RNF212: variants seen among roughly 807,000 people sequenced by gnomAD.
RNF212 encodes probable E3 SUMO-protein ligase RNF212.
In RNF212, 33 loss-of-function variants were observed where a neutral mutation model predicts 34.7. The ratio of observed to expected loss-of-function variants is 0.95; its 90% CI spans 0.72 to 1.27. The LOEUF is 1.27. RNF212 is among the 50% of genes most tolerant of loss of function. The pLI is 0.00. For missense variants in RNF212, 377 were observed against 362.2 expected (o/e 1.04, Z -0.33); for synonymous variants, 140 against 136.1 (o/e 1.03, Z -0.20).
chr4:1,059,540 TG>T (rs33995364), intron 3 of RNF212, among the ~76,000 whole-genome samples: 121,103 of 152,100 alleles, frequency 0.8, 48,698 homozygotes, highest in African/African-American at 0.89. Context: ...ACCCCAAGCC[TG>T]GGCGGCCTGT....
intron 3 of RNF212, chr4:1,093,733 A>T: frequency 2.0e-6 from 3 of 1,536,242 alleles, no homozygotes. Flanking sequence ...TTATGAACTC[A>T]AGCAACTTCT....
chr4:1,057,763 C>T (rs1717431134), intron 4 of RNF212, among the ~76,000 whole-genome samples: 1 of 152,222 alleles, frequency 6.6e-6, no homozygotes, highest in African/African-American at 2.4e-5. Flanking sequence ...TATATCTTAG[C>T]TTCAAAAAAG....
intron 8 of RNF212, among the ~76,000 whole-genome samples, chr4:1,077,468 A>C (rs960370820): frequency 6.6e-6 from 1 of 152,106 alleles, no homozygotes; most frequent in Non-Finnish European, 1.5e-5. Context: ...CCTGGGCTCA[A>C]GTGATCCACC....
chr4:1,077,616 T>C (rs906004973), intron 8 of RNF212, among the ~76,000 whole-genome samples: 32 of 152,336 alleles, frequency 2.1e-4, no homozygotes, highest in African/African-American at 6.7e-4. Context: ...CAGAACAAAG[T>C]TCTTCCTCCT....
At chr4:1,070,494 G>T (rs1718396168), downstream of RNF212, among the ~76,000 whole-genome samples, 3 of 88,370 alleles carry the variant, frequency 3.4e-5, no homozygotes, top group South Asian at 1.3e-3. Flanking sequence ...TGGGTGCCTG[G>T]CCTGAGTTGT....
chr4:1,079,383 C>T (rs1453173602), intron 8 of RNF212, among the ~76,000 whole-genome samples: 8 of 152,260 alleles, frequency 5.3e-5, no homozygotes, highest in South Asian at 4.1e-4. Flanking sequence ...TGGGACCCTG[C>T]CAACACCTCG....
At chr4:1,066,106 G>A (rs1422902980) in intron 3 of RNF212, among the ~76,000 whole-genome samples, 3 of 146,986 alleles carry the variant, frequency 2.0e-5, no homozygotes, top group African/African-American at 7.5e-5. Flanking sequence ...TTTTTTCTCT[G>A]TAGATGAGGT....
At chr4:1,106,127 G>A (rs1019794724) in intron 2 of RNF212, among the ~76,000 whole-genome samples, 1 of 152,178 alleles carries the variant, frequency 6.6e-6, no homozygotes, top group Non-Finnish European at 1.5e-5. Flanking sequence ...ATAGGGGGGT[G>A]AAGCAACAGG....
At chr4:1,073,787 G>A in intron 8 of RNF212, 125 bp from the exon 9 acceptor site, 1 of 693,764 alleles carries the variant, frequency 1.4e-6, no homozygotes, top group Middle Eastern at 2.4e-4. Flanking sequence ...ATCGCCCTCT[G>A]ACAAGTTCCT....
intron 8 of RNF212, among the ~76,000 whole-genome samples, chr4:1,078,245 AAC>A (rs1719660743): frequency 6.6e-6 from 1 of 152,198 alleles, no homozygotes. Context: ...CCGCCGCCAG[AAC>A]ACACTCAGTT....
intron 2 of RNF212, chr4:1,099,765 G>A (rs1338693315): frequency 1.1e-5 from 5 of 456,148 alleles, no homozygotes; most frequent in Admixed American, 2.3e-5. Context: ...GGCAGAGGGC[G>A]TAAGGAATGG....
At chr4:1,063,824 T>C (rs1577613204) in intron 3 of RNF212, among the ~76,000 whole-genome samples, 1 of 150,242 alleles carries the variant, frequency 6.7e-6, no homozygotes, top group East Asian at 2.0e-4. Context: ...CAGTGAGCCA[T>C]GGTCAAGACA....
At chr4:1,058,272 T>C in intron 4 of RNF212, 1 of 657,096 alleles carries the variant, frequency 1.5e-6, no homozygotes, top group Non-Finnish European at 1.9e-6. Flanking sequence ...AAGAAGGTGC[T>C]TGCGGGGGTT....
intron 7 of RNF212, among the ~76,000 whole-genome samples, chr4:1,080,666 G>A (rs935667044): frequency 6.6e-6 from 1 of 151,348 alleles, no homozygotes; most frequent in African/African-American, 2.5e-5. Context: ...CCCCAATAAA[G>A]GTGCTGGCCC....
intron 8 of RNF212, among the ~76,000 whole-genome samples, chr4:1,074,975 G>A (rs772342470): frequency 1.3e-5 from 2 of 152,114 alleles, no homozygotes; most frequent in East Asian, 1.9e-4. Flanking sequence ...TGACATCACC[G>A]TCCCTTCGAA....
At chr4:1,073,885 T>A (rs1718843348) in intron 8 of RNF212, 1 of 551,314 alleles carries the variant, frequency 1.8e-6, no homozygotes, top group Non-Finnish European at 3.3e-6. Context: ...ACCTGTTTGA[T>A]TCCCTCTGTT....
intron 3 of RNF212, among the ~76,000 whole-genome samples, chr4:1,061,943 A>G (rs1717779030): frequency 6.6e-6 from 1 of 152,232 alleles, no homozygotes; most frequent in Non-Finnish European, 1.5e-5. Flanking sequence ...AAAAGGGCAG[A>G]TGGCAGAGGC....
intron 2 of RNF212, chr4:1,099,830 C>T (rs1363468127): frequency 4.4e-6 from 2 of 456,266 alleles, no homozygotes; most frequent in East Asian, 7.0e-5. Flanking sequence ...ACGGCGCAAG[C>T]GGACACGGGT....
intron 5 of RNF212, among the ~76,000 whole-genome samples, chr4:1,085,419 G>C (rs904371050): frequency 2.0e-5 from 3 of 152,204 alleles, no homozygotes; most frequent in African/African-American, 7.2e-5. Context: ...TAGCAACTCT[G>C]GATGTTTCTT....
Sources: gnomAD v4.1 joint callset for allele counts (sites outside exome capture counted in the v4.1 genomes callset) on GRCh38, gnomAD v4.1.1 for gene constraint, MANE v1.5 for transcripts, NCBI Gene and HGNC (gene_info 2026-07-23, HGNC 2026-07-21) for gene names.